The following PSMD4 variants were observed in gnomAD, a reference collection of about 807,000 sequenced individuals.
The protein encoded by PSMD4 is proteasome 26S subunit ubiquitin receptor, non-ATPase 4, also known as 26S proteasome non-ATPase regulatory subunit 4.
In PSMD4, 5 loss-of-function variants were observed where a neutral mutation model predicts 39.7. That is an observed-to-expected ratio of 0.13 (90% CI 0.07 to 0.26). The LOEUF is 0.26. Ranked by LOEUF, PSMD4 falls within the 10% of genes least tolerant of loss-of-function variation. PSMD4 has a pLI of 1.00. For synonymous variants in PSMD4, 143 were observed against 174.6 expected (o/e 0.82, Z 1.43); for missense variants, 272 against 486.1 (o/e 0.56, Z 4.14).
chr1:151,266,332 T>C lies in PSMD4; in HGVS notation c.788T>C (p.Met263Thr), dbSNP rs1270758115. Residue 263 changes from methionine to threonine, a missense_variant, in exon 8 of 10, where the codon ATG (methionine) becomes ACG (threonine). Around this residue, in one of 3 missense-constraint regions of PSMD4, gnomAD observed 113 missense variants for 184.6 expected, o/e 0.61. Coordinates refer to ENST00000368884, the MANE Select transcript of PSMD4 (RefSeq NM_002810.4). ...GACTCAGACGATGCCCTGCTGAAGA[T>C]GACCATCAGCCAGCAAGAGTTTGGC... ...TEDSDDALLK[M>T]TISQQEFGRT... 4 of 1,614,224 alleles carry C rather than the reference T, an allele frequency of 2.5e-6. No homozygotes were observed. The highest frequency in any genetic ancestry group is 1.1e-5 in the South Asian group (1 of 91,080).
chr1:151,266,573 T>C lies in PSMD4; in HGVS notation c.949T>C (p.Ser317Pro). The C allele has an allele frequency of 1.2e-6, 2 of 1,614,118 alleles. No individual in the cohort carries two copies. The highest frequency in any genetic ancestry group is 2.7e-5 in the African/African-American group (2 of 75,028). The change falls in exon 9 of 10, where the codon TCT becomes CCT. Residue 317 changes from serine (S) to proline (P), a missense_variant. Coordinates refer to ENST00000368884, the MANE Select transcript of PSMD4 (RefSeq NM_002810.4). ...DIDASSAMDTSEPAKEEDDYD... is the reference protein window; with the variant it reads ...DIDASSAMDTPEPAKEEDDYD... ...TGATGCCAGCTCAGCTATGGACACA[T>C]CTGAGCCAGCCAAGGTGAGACCCAA...
chr1:151,264,680 A>AG, intron 3 of PSMD4, 152 bp from the exon 4 acceptor site: 2 of 597,598 alleles, frequency 3.3e-6, no homozygotes, highest in South Asian at 3.8e-5. Context: ...GCAAAAAGGG[A>AG]GGAGGTGGGG....
chr1:151,264,699 T>C (rs1381109090), intron 3 of PSMD4, 133 bp from the exon 4 acceptor site: 4 of 679,416 alleles, frequency 5.9e-6, no homozygotes, highest in African/African-American at 3.6e-5. Flanking sequence ...GGGTGTTAAA[T>C]CTTGTGTGAA....
At chr1:151,258,861 G>A (rs587693968) in intron 1 of PSMD4, among the ~76,000 whole-genome samples, 30 of 152,192 alleles carry the variant, frequency 2.0e-4, no homozygotes, top group African/African-American at 6.7e-4. Flanking sequence ...GTTACAGTGA[G>A]CTATGATTTC....
At chr1:151,257,584 G>A (rs1176570814) in intron 1 of PSMD4, among the ~76,000 whole-genome samples, 1 of 151,996 alleles carries the variant, frequency 6.6e-6, no homozygotes, top group Non-Finnish European at 1.5e-5. Context: ...GTCTTGCTCT[G>A]TCTCCCAGGC....
chr1:151,254,861 A>G, intron 1 of PSMD4, 53 bp downstream of exon 1: 1 of 1,369,150 alleles, frequency 7.3e-7, no homozygotes, highest in Non-Finnish European at 9.6e-7. Context: ...GGGCGCGTGT[A>G]GCGCCAAGGC....
At position 151,266,562 on chromosome 1, in the gene PSMD4, C is replaced by G; in HGVS notation, c.938C>G (p.Ala313Gly). The change falls in exon 9 of 10, where the codon GCT becomes GGT. Residue 313 changes from alanine to glycine, a missense_variant. Around this residue, in one of 3 missense-constraint regions of PSMD4, gnomAD observed 113 missense variants for 184.6 expected, o/e 0.61. Coordinates refer to ENST00000368884, the MANE Select transcript of PSMD4 (RefSeq NM_002810.4). ...AESADIDASS[A>G]MDTSEPAKEE... ...TCAGCAGACATTGATGCCAGCTCAGCTATGGACACATCTGAGCCAGCCAAG... is the reference window on the plus strand; with the variant it reads ...TCAGCAGACATTGATGCCAGCTCAGGTATGGACACATCTGAGCCAGCCAAG... 6.2e-7 allele frequency: 1 copy of G among 1,614,206 alleles called. No individual in the cohort carries two copies. The highest frequency in any genetic ancestry group is 8.5e-7 in the Non-Finnish European group (1 of 1,180,036).
intron 6 of PSMD4, among the ~76,000 whole-genome samples, 183 bp downstream of exon 6, chr1:151,265,792 G>C (rs1216063017): frequency 6.6e-6 from 1 of 152,218 alleles, no homozygotes; most frequent in Non-Finnish European, 1.5e-5. Flanking sequence ...ACCAGTGTCA[G>C]ATGCTTTCTT....
At chr1:151,256,343 C>CAAA (rs57889256) in intron 1 of PSMD4, among the ~76,000 whole-genome samples, 1 of 49,216 alleles carries the variant, frequency 2.0e-5, no homozygotes, top group African/African-American at 6.7e-5. Context: ...GACTCCCTCT[C>CAAA]AAAAAAAAAA....
At position 151,262,520 on chromosome 1, in the gene PSMD4, TG is replaced by T; in HGVS notation, c.167+220del. 4 of 573,000 alleles carry T rather than the reference TG, an allele frequency of 7.0e-6. No homozygotes were observed. The South Asian group carries it at 8.3e-5, about 12-fold the overall frequency. 35.5% of individuals were successfully genotyped at this position (573,000 alleles called of 1,614,324 possible). A position where few individuals can be genotyped will look rare whatever the true frequency, so the allele number is the denominator to read the frequency against. ...GGGTGAAATTTCTGTTTCTTTTTAT[TG>T]TTTGTTGGGCAGGGCTAGGGTAGGG... On this transcript the variant is annotated intron_variant, in intron 2 of 9. Transcript: ENST00000368884.
At chr1:151,260,457 C>A (rs1693289237) in intron 1 of PSMD4, among the ~76,000 whole-genome samples, 1 of 152,180 alleles carries the variant, frequency 6.6e-6, no homozygotes, top group South Asian at 2.1e-4. Flanking sequence ...GACTTCAGAT[C>A]CACAAAACCT....
chr1:151,266,714 A>G (rs1315441988), intron 9 of PSMD4, 127 bp downstream of exon 9: 1 of 1,133,326 alleles, frequency 8.8e-7, no homozygotes, highest in East Asian at 2.6e-5. Context: ...ATGGATTTGC[A>G]TTTCTTACAT....
At chr1:151,256,173 A>G (rs1414184836) in intron 1 of PSMD4, among the ~76,000 whole-genome samples, 2 of 151,178 alleles carry the variant, frequency 1.3e-5, no homozygotes, top group Admixed American at 6.6e-5. Context: ...GTGAAACCCC[A>G]TCTCTACTAA....
intron 7 of PSMD4, 42 bp downstream of exon 7, chr1:151,266,154 TA>T: frequency 6.3e-7 from 1 of 1,590,830 alleles, no homozygotes; most frequent in Non-Finnish European, 8.6e-7. Flanking sequence ...TGCGGGATGC[TA>T]AACATTGAAA....
intron 1 of PSMD4, 34 bp downstream of exon 1, chr1:151,254,842 C>T: frequency 7.1e-7 from 1 of 1,412,074 alleles, no homozygotes; most frequent in Non-Finnish European, 9.3e-7. Flanking sequence ...AGGGGCAGAG[C>T]TGGGTTCCGG....
At position 151,263,978 on chromosome 1, in the gene PSMD4, G is replaced by A; in HGVS notation, c.232G>A (p.Val78Ile). The change falls in exon 3 of 10, where the codon GTC becomes ATC. Residue 78 changes from valine (V) to isoleucine (I), a missense_variant. Physicochemically the swap from Val to Ile is conservative, Grantham distance 29. Transcript: ENST00000368884. The stretch of plus-strand genomic sequence containing the variant: ...CCGTATCCTGTCCAAGCTACATACT[G>A]TCCAACCCAAGGGCAAGATCACCTT... The part of the protein sequence containing the change: ...TGRILSKLHT[V>I]QPKGKITFCT... 6.2e-7 allele frequency: 1 copy of A among 1,605,426 alleles called. No homozygotes were observed. Among genetic ancestry groups the A allele is most frequent in the Non-Finnish European group, 8.5e-7 (1 of 1,175,984 alleles).
chr1:151,258,522 G>A lies in PSMD4; in HGVS notation c.27-3639G>A, dbSNP rs587617335. Among the ~76,000 whole-genome samples the A allele has an allele frequency of 8.6e-5, 12 of 139,068 alleles. No homozygotes were observed. In the South Asian group the frequency reaches 2.8e-3, roughly 33 times the overall value. The allele number at this position is 139,068 out of a possible 152,430, so 91.2% of individuals were successfully genotyped here. A position where few individuals can be genotyped will look rare whatever the true frequency, so the allele number is the denominator to read the frequency against. On this transcript the variant is annotated intron_variant, in intron 1 of 9. Transcript: ENST00000368884. ...GTCACCCAGGCTGGAGTGCAGTAGT[G>A]TGATCTTGGCTCACTGCAGCCTCGA...
chr1:151,255,796 T>G (rs1693151351), intron 1 of PSMD4, among the ~76,000 whole-genome samples: 1 of 152,110 alleles, frequency 6.6e-6, no homozygotes. Flanking sequence ...CCAGTCTGGC[T>G]CACTGCAGCC....
In PSMD4 at chr1:151,266,320, C is replaced by A. The variant is rs755770719; in HGVS notation, c.776C>A (p.Ala259Asp). ...ATTGTEDSDD[A>D]LLKMTISQQE... is the part of the protein sequence containing the mutation. ...TTCCTTTTCCCAGACTCAGACGATG[C>A]CCTGCTGAAGATGACCATCAGCCAG... is the stretch of plus-strand genomic sequence containing the variant. The change falls in exon 8 of 10, where the codon GCC (alanine) becomes GAC (aspartate). Residue 259 changes from alanine (A) to aspartate (D), a missense_variant. Around this residue, in one of 3 missense-constraint regions of PSMD4, gnomAD observed 113 missense variants for 184.6 expected, o/e 0.61. Transcript: ENST00000368884. 1.1e-5 allele frequency: 17 copies of A among 1,614,182 alleles called. No individual in the cohort carries two copies. The highest frequency in any genetic ancestry group is 1.2e-5 in the Non-Finnish European group (14 of 1,180,032).
Sources: gnomAD v4.1 joint callset for allele counts (sites outside exome capture counted in the v4.1 genomes callset) on GRCh38, gnomAD v4.1.1 for gene constraint, gnomAD v4.1.1 regional missense constraint, MANE v1.5 for transcripts, NCBI Gene and HGNC (gene_info 2026-07-23, HGNC 2026-07-21) for gene names.